Variants in TIAM1 observed in about 807,000 individuals in gnomAD.
The protein encoded by TIAM1 is rho guanine nucleotide exchange factor TIAM1.
TIAM1 carries 65 observed loss-of-function variants against 163.5 expected under a neutral mutation model. The ratio of observed to expected loss-of-function variants is 0.40; its 90% confidence interval spans 0.33 to 0.49. The LOEUF (loss-of-function observed/expected upper bound fraction) is 0.49. TIAM1 is among the 20% of genes least tolerant of loss of function. TIAM1 has a pLI of 0.77. For synonymous variants in TIAM1, 833 were observed against 810.1 expected, an observed-to-expected ratio of 1.03 and a Z score of -0.48; for missense variants, 1,789 against 2,044.7, an observed-to-expected ratio of 0.87 and a Z score of 2.41.
chr21:31,261,582 G>T (rs557912623), intron 4 of TIAM1, among the ~76,000 whole-genome samples: 1 of 152,250 alleles, frequency 6.6e-6, no homozygotes, highest in East Asian at 1.9e-4. Flanking sequence ...GCGCCGTGGT[G>T]CATGCCTGTA....
chr21:31,151,853 G>A (rs1031253052), intron 19 of TIAM1, among the ~76,000 whole-genome samples: 4 of 152,102 alleles, frequency 2.6e-5, no homozygotes, highest in Non-Finnish European at 5.9e-5. Context: ...AAGCAGGGGA[G>A]AGGAAATAAG....
At chr21:31,301,973 GTA>G (rs999577210) in intron 2 of TIAM1, among the ~76,000 whole-genome samples, 14 of 150,326 alleles carry the variant, frequency 9.3e-5, no homozygotes, top group Middle Eastern at 3.6e-3. Context: ...ATATGTGTGC[GTA>G]TATATATATG....
At chr21:31,185,774 G>C (rs1470461472) in intron 14 of TIAM1, among the ~76,000 whole-genome samples, 1 of 150,882 alleles carries the variant, frequency 6.6e-6, no homozygotes, top group Non-Finnish European at 1.5e-5. Flanking sequence ...AATGACTGGT[G>C]TTCTTATAAG....
At chr21:31,163,137 A>G (rs1386569858) in intron 16 of TIAM1, among the ~76,000 whole-genome samples, 6 of 152,238 alleles carry the variant, frequency 3.9e-5, no homozygotes, top group Non-Finnish European at 7.3e-5. Context: ...TTTGGATCCA[A>G]TACTTTTTAA....
chr21:31,198,716 C>A (rs1310345733), intron 12 of TIAM1, among the ~76,000 whole-genome samples: 1 of 152,208 alleles, frequency 6.6e-6, no homozygotes, highest in African/African-American at 2.4e-5. Context: ...ATCATTTCCA[C>A]AGGATCTAGT....
intron 2 of TIAM1, among the ~76,000 whole-genome samples, chr21:31,292,861 G>T (rs1265628729): frequency 6.6e-6 from 1 of 151,876 alleles, no homozygotes; most frequent in Non-Finnish European, 1.5e-5. Context: ...TAGAGACATG[G>T]TTTCACCATG....
At chr21:31,213,552 G>T in intron 9 of TIAM1, 80 bp from the exon 10 acceptor site, 1 of 1,215,536 alleles carries the variant, frequency 8.2e-7, no homozygotes, top group Non-Finnish European at 1.2e-6. Flanking sequence ...AAGGAAATGG[G>T]CATGGCTATG....
At chr21:31,199,003 T>G (rs560102615) in intron 12 of TIAM1, among the ~76,000 whole-genome samples, 7 of 152,360 alleles carry the variant, frequency 4.6e-5, no homozygotes. Flanking sequence ...GGAAATTCAG[T>G]AGTTTTATAC....
At chr21:31,136,183 G>C (rs973027059) in intron 22 of TIAM1, 142 bp from the exon 23 acceptor site, 1 of 691,654 alleles carries the variant, frequency 1.4e-6, no homozygotes, top group East Asian at 2.8e-5. Context: ...AAATATGTGA[G>C]ATAATGCTAA....
At chr21:31,168,821 A>T (rs2084367050) in intron 15 of TIAM1, among the ~76,000 whole-genome samples, 1 of 152,222 alleles carries the variant, frequency 6.6e-6, no homozygotes, top group Admixed American at 6.5e-5. Flanking sequence ...TAATACCCAG[A>T]GATAGAGCTT....
At chr21:31,552,436 G>C (rs767527838) in intron 1 of TIAM1, among the ~76,000 whole-genome samples, 2 of 152,126 alleles carry the variant, frequency 1.3e-5, no homozygotes, top group African/African-American at 4.8e-5. Context: ...CAAAAACTGC[G>C]TCCCTACTAC....
At chr21:31,183,975 G>A (rs557190555) in intron 14 of TIAM1, among the ~76,000 whole-genome samples, 6 of 152,158 alleles carry the variant, frequency 3.9e-5, no homozygotes, top group African/African-American at 1.4e-4. Flanking sequence ...CTGAGACGAA[G>A]TCTCACTCTG....
At chr21:31,286,994 TCA>T (rs2073834665) in intron 2 of TIAM1, among the ~76,000 whole-genome samples, 1 of 152,210 alleles carries the variant, frequency 6.6e-6, no homozygotes, top group African/African-American at 2.4e-5. Flanking sequence ...TCAAGTTGTT[TCA>T]CAGTTATACA....
chr21:31,525,325 C>A (rs138540936), intron 1 of TIAM1, among the ~76,000 whole-genome samples: 2 of 150,430 alleles, frequency 1.3e-5, no homozygotes, highest in Non-Finnish European at 3.0e-5. Flanking sequence ...GCTGAGATTG[C>A]GCCACGCACT....
intron 8 of TIAM1, among the ~76,000 whole-genome samples, chr21:31,220,653 A>T (rs576764747): frequency 6.6e-6 from 1 of 152,314 alleles, no homozygotes; most frequent in South Asian, 2.1e-4. Context: ...AGTTTCTTAT[A>T]AGCAGTAATT....
chr21:31,386,080 G>T (rs948597493), intron 2 of TIAM1, among the ~76,000 whole-genome samples: 2 of 152,072 alleles, frequency 1.3e-5, no homozygotes, highest in African/African-American at 4.8e-5. Context: ...GACGAAGGTG[G>T]TGGCAGATGC....
chr21:31,130,280 C>G lies in TIAM1; in HGVS notation c.3978G>C (p.Trp1326Cys), dbSNP rs1435557978. 6.2e-7 allele frequency: 1 copy of G among 1,613,910 alleles called. No homozygotes were observed. The highest frequency in any genetic ancestry group is 1.3e-5 in the African/African-American group (1 of 74,876). Residue 1326 changes from tryptophan to cysteine, a missense_variant, in exon 25 of 28, where the codon TGG becomes TGC. Around this residue, in one of 5 missense-constraint regions of TIAM1, gnomAD observed 415 missense variants for 439.2 expected, o/e 0.94. Transcript: ENST00000541036. ...GSHRLSIYED[W>C]DPFRFRHMIP... ...TCATGTGTCGAAATCTGAAGGGGTCCCAGTCCTCATAAATGGAAAGCCTGT... is the reference window on the plus strand; with the variant it reads ...TCATGTGTCGAAATCTGAAGGGGTCGCAGTCCTCATAAATGGAAAGCCTGT...
At chr21:31,247,711 G>T (rs187177123) in intron 5 of TIAM1, among the ~76,000 whole-genome samples, 180 of 152,166 alleles carry the variant, frequency 1.2e-3, no homozygotes, top group Middle Eastern at 6.8e-3. Flanking sequence ...CTTTTAGTTT[G>T]GGGTTTAAAA....
intron 2 of TIAM1, among the ~76,000 whole-genome samples, chr21:31,287,548 G>T (rs529742562): frequency 6.6e-5 from 10 of 152,142 alleles, no homozygotes; most frequent in Non-Finnish European, 1.5e-5. Context: ...GTCCTGACAG[G>T]TTAATAGGAT....
Sources: gnomAD v4.1 joint callset for allele counts (sites outside exome capture counted in the v4.1 genomes callset) on GRCh38, gnomAD v4.1.1 for gene constraint, gnomAD v4.1.1 regional missense constraint, MANE v1.5 for transcripts, NCBI Gene and HGNC (gene_info 2026-07-23, HGNC 2026-07-21) for gene names.